The following PRDM15 variants were observed in gnomAD, a reference collection of about 807,000 sequenced individuals.
The protein encoded by PRDM15 is PR/SET domain 15.
In PRDM15, 64 loss-of-function variants were observed where a neutral mutation model predicts 128.6. That is an observed-to-expected ratio of 0.50 (90% CI 0.41 to 0.61). PRDM15 has a LOEUF of 0.61. PRDM15 is among the 20% of genes least tolerant of loss of function. The probability of loss-of-function intolerance (pLI) is 0.00; values close to 1 mark genes in which losing one functional copy is unlikely to be tolerated. For synonymous variants in PRDM15, 615 were observed against 621.8 expected (o/e 0.99, Z 0.16); for missense variants, 1,242 against 1,569.1 (o/e 0.79, Z 3.52).
chr21:41,854,566 C>T lies in PRDM15; in HGVS notation c.538G>A (p.Ala180Thr), dbSNP rs770085346. ...CTCCGGATCGGGGGCCGCCACATAC[C>T]GTGGACGCCAGAGCCGGCCTGCTTC... is the stretch of plus-strand genomic sequence containing the variant. ...MLKQAGSGVH[A>T]AGTPENSAPV... Residue 180 changes from alanine to threonine, a missense_variant and splice_region_variant, in exon 5 of 24, where the codon GCT (alanine) becomes ACT (threonine). Physicochemically the swap from Ala to Thr is moderately conservative, Grantham distance 58. Around this residue, in one of 3 missense-constraint regions of PRDM15, gnomAD observed 612 missense variants for 717.0 expected, o/e 0.85. Transcript: ENST00000398548. The surrounding 1 kb of genome is among the most constrained non-coding windows in gnomAD (Gnocchi z 4.6). The T allele has an allele frequency of 9.3e-6, 15 of 1,612,700 alleles. No homozygotes were observed. The highest frequency in any genetic ancestry group is 3.3e-5 in the Admixed American group (2 of 60,004).
intron 21 of PRDM15, among the ~76,000 whole-genome samples, chr21:41,805,927 C>T (rs1328807025): frequency 6.6e-6 from 1 of 150,594 alleles, no homozygotes; most frequent in Non-Finnish European, 1.5e-5. Flanking sequence ...ACTGTCACCA[C>T]CATCATCAGT....
rs1045979422 is a variant in PRDM15 at position 41,800,301 on chromosome 21, A to G, written c.*939T>C. ...CATTTGGATTGCAGAGAATCCTGAG[A>G]CAACCCGGAGGAGCCCCTGGGGGCA... On this transcript the variant is annotated 3_prime_UTR_variant, in exon 24 of 24. Coordinates refer to ENST00000398548, the MANE Select transcript of PRDM15 (RefSeq NM_001040424.3). 6 of 152,326 alleles carry G rather than the reference A, an allele frequency of 3.9e-5. No homozygotes were observed. Among genetic ancestry groups the G allele is most frequent in the African/African-American group, 1.4e-4 (6 of 41,446 alleles). 9.4% of individuals were successfully genotyped at this position (152,326 alleles called of 1,614,324 possible). A position where few individuals can be genotyped will look rare whatever the true frequency, so the allele number is the denominator to read the frequency against.
chr21:41,821,848 A>G lies in PRDM15; in HGVS notation c.1896+55T>C. On this transcript the variant is annotated intron_variant, in intron 15 of 23. Transcript: ENST00000398548. The surrounding 1 kb of genome is among the most constrained non-coding windows in gnomAD (Gnocchi z 5.4). ...TGCTGTGTGGGGCCCACAGCCTTGA[A>G]ACGACCACCTTCCTCTCCAGACCAC... The G allele has an allele frequency of 1.2e-6, 2 of 1,607,628 alleles. No individual in the cohort carries two copies. The highest frequency in any genetic ancestry group is 1.7e-6 in the Non-Finnish European group (2 of 1,178,094).
chr21:41,810,133 G>C lies in PRDM15; in HGVS notation c.2652+21C>G, dbSNP rs2061816307. On this transcript the variant is annotated intron_variant, in intron 21 of 23. Coordinates refer to ENST00000398548, the MANE Select transcript of PRDM15 (RefSeq NM_001040424.3). The surrounding 1 kb of genome is among the most constrained non-coding windows in gnomAD (Gnocchi z 6.4). Reference sequence around the variant, plus strand: ...CGCGGCCCGCTGGCGGGGCACGGAGGGGGCACAGCCACCAGCTCACCTCGG... The same window carrying C: ...CGCGGCCCGCTGGCGGGGCACGGAGCGGGCACAGCCACCAGCTCACCTCGG... 6 of 1,592,018 alleles carry C rather than the reference G, an allele frequency of 3.8e-6. No individual in the cohort carries two copies. The East Asian group carries it at 1.1e-4, about 30-fold the overall frequency.
Position 41,819,713 on chromosome 21 carries a change from G to A in PRDM15, c.2141-12C>T. ...GTGGCTCTTCACACCTGAGAACACA[G>A]GCATCTGCCACTCAGAGCCGAGCAG... On this transcript the variant is annotated splice_polypyrimidine_tract_variant and intron_variant, in intron 17 of 23. Coordinates refer to ENST00000398548, the MANE Select transcript of PRDM15 (RefSeq NM_001040424.3). 3 of 1,593,210 alleles carry A rather than the reference G, an allele frequency of 1.9e-6. No homozygotes were observed. The highest frequency in any genetic ancestry group is 2.6e-6 in the Non-Finnish European group (3 of 1,174,298).
At chr21:41,875,930 A>G (rs569867587) in intron 1 of PRDM15, among the ~76,000 whole-genome samples, 1 of 152,258 alleles carries the variant, frequency 6.6e-6, no homozygotes, top group South Asian at 2.1e-4. Context: ...GTACATACAC[A>G]ACCCTAGATG....
At position 41,879,171 on chromosome 21, in the gene PRDM15, G is replaced by A; in HGVS notation, c.-10+99C>T. ...GGGCGCGGGGGGCGGGGGGCAGCGG[G>A]CCCAGGGCGCGCCGGGGCTCGCGGG... On this transcript the variant is annotated intron_variant, in intron 1 of 23. Coordinates refer to ENST00000398548, the MANE Select transcript of PRDM15 (RefSeq NM_001040424.3). This position sits in a 1 kb window ranked among gnomAD's most constrained non-coding sequence, Gnocchi z 5.1. The A allele has an allele frequency of 1.2e-6, 1 of 838,040 alleles. No individual in the cohort carries two copies. The highest frequency in any genetic ancestry group is 1.4e-6 in the Non-Finnish European group (1 of 696,436). 51.9% of individuals were successfully genotyped at this position (838,040 alleles called of 1,614,324 possible).
intron 3 of PRDM15, among the ~76,000 whole-genome samples, chr21:41,857,640 A>G (rs950165227): frequency 6.6e-6 from 1 of 152,210 alleles, no homozygotes; most frequent in Non-Finnish European, 1.5e-5. Context: ...ATGTGCCTGT[A>G]GTCCCAGCTA....
rs771938387 is a variant in PRDM15, at chr21:41,878,675, G to A, written c.-10+595C>T. The A allele has an allele frequency of 5.9e-6, 9 of 1,518,078 alleles. No individual in the cohort carries two copies. In the East Asian group the frequency reaches 7.6e-5, roughly 13 times the overall value. The allele number at this position is 1,518,078 out of a possible 1,614,324, so 94.0% of individuals were successfully genotyped here. A position where few individuals can be genotyped will look rare whatever the true frequency, so the allele number is the denominator to read the frequency against. On this transcript the variant is annotated intron_variant, in intron 1 of 23. Transcript: ENST00000398548. Reference sequence around the variant, plus strand: ...AGGCTTACGAAAATAAGGCGCAGGGGGTCTGGGAGACCCCATCACCAGGAC... The same window carrying A: ...AGGCTTACGAAAATAAGGCGCAGGGAGTCTGGGAGACCCCATCACCAGGAC...
At chr21:41,864,374 G>C (rs2063926870) in intron 1 of PRDM15, among the ~76,000 whole-genome samples, 1 of 151,980 alleles carries the variant, frequency 6.6e-6, no homozygotes, top group South Asian at 2.1e-4. Context: ...TGGGCTCTAG[G>C]GCAAGCCACA....
intron 11 of PRDM15, 62 bp downstream of exon 11, chr21:41,835,375 C>T (rs1172682273): frequency 8.9e-6 from 12 of 1,355,398 alleles, no homozygotes; most frequent in East Asian, 2.3e-5. Context: ...CCACGGTCTC[C>T]GCGGCGTATC....
chr21:41,867,501 A>G (rs2145980567), intron 1 of PRDM15: 3 of 712,064 alleles, frequency 4.2e-6, no homozygotes, highest in Non-Finnish European at 7.0e-6. Context: ...GGTTTTTCAC[A>G]GGCGTGAACA....
At position 41,811,126 on chromosome 21, in the gene PRDM15, A is replaced by C; in HGVS notation, c.2393-290T>G. 1 of 400,704 alleles carries C rather than the reference A, an allele frequency of 2.5e-6. No homozygotes were observed. Among genetic ancestry groups the C allele is most frequent in the South Asian group, 3.0e-5 (1 of 32,798 alleles). The allele number at this position is 400,704 out of a possible 1,614,324, so 24.8% of individuals were successfully genotyped here. ...AACCCACATGTGGACAAGCAGAAAA[A>C]CGATAGGAATTTCTTTAAAGCATTA... On this transcript the variant is annotated intron_variant, in intron 19 of 23. Coordinates refer to ENST00000398548, the MANE Select transcript of PRDM15 (RefSeq NM_001040424.3). The surrounding 1 kb of genome is among the most constrained non-coding windows in gnomAD (Gnocchi z 4.1).
chr21:41,815,390 T>G (rs958020322), intron 19 of PRDM15, among the ~76,000 whole-genome samples: 1 of 152,230 alleles, frequency 6.6e-6, no homozygotes, highest in Non-Finnish European at 1.5e-5. Flanking sequence ...GGCCCTTGTC[T>G]GGTCGCTATT....
In PRDM15 at chr21:41,854,509, A is replaced by AACCACTTCGGCGAGGC; in HGVS notation, c.538+56_538+57insGCCTCGCCGAAGTGGT. ...GGTCAGCACAGAGCCAAGGGACCATAACCCCTTCGGCGAGGCACAAGGGAA... is the reference window on the plus strand; with the variant it reads ...GGTCAGCACAGAGCCAAGGGACCATAACCACTTCGGCGAGGCACCCCTTCGGCGAGGCACAAGGGAA... On this transcript the variant is annotated intron_variant, in intron 5 of 23. Coordinates refer to ENST00000398548, the MANE Select transcript of PRDM15 (RefSeq NM_001040424.3). The surrounding 1 kb of genome is among the most constrained non-coding windows in gnomAD (Gnocchi z 4.6). 6.3e-7 allele frequency: 1 copy of AACCACTTCGGCGAGGC among 1,597,646 alleles called. No homozygotes were observed. Among genetic ancestry groups the AACCACTTCGGCGAGGC allele is most frequent in the Non-Finnish European group, 8.5e-7 (1 of 1,176,140 alleles).
Position 41,801,208 on chromosome 21 carries a change from C to T in PRDM15, c.*32G>A. The T allele has an allele frequency of 6.6e-7, 1 of 1,504,536 alleles. No homozygotes were observed. The highest frequency in any genetic ancestry group is 8.8e-7 in the Non-Finnish European group (1 of 1,132,440). The allele number at this position is 1,504,536 out of a possible 1,614,324, so 93.2% of individuals were successfully genotyped here. The stretch of plus-strand genomic sequence containing the variant: ...TAAACAAATCCCAAACATCCCTCTG[C>T]AGTTCTTGCCCCGAGTCTCCCGGAA... On this transcript the variant is annotated 3_prime_UTR_variant, in exon 24 of 24. Transcript: ENST00000398548.
intron 21 of PRDM15, among the ~76,000 whole-genome samples, chr21:41,807,703 T>C (rs2061726454): frequency 6.6e-6 from 1 of 152,236 alleles, no homozygotes; most frequent in African/African-American, 2.4e-5. Flanking sequence ...GGTAGGCATT[T>C]GTTTGAGTTA....
At chr21:41,847,019 G>A (rs2146710611) in intron 6 of PRDM15, 71 bp downstream of exon 6, 3 of 1,016,320 alleles carry the variant, frequency 3.0e-6, no homozygotes, top group Non-Finnish European at 4.5e-6. Flanking sequence ...CCGCAGACAG[G>A]TGACAGCGTA....
chr21:41,815,323 C>T (rs2062012849), intron 19 of PRDM15, among the ~76,000 whole-genome samples: 1 of 152,232 alleles, frequency 6.6e-6, no homozygotes. Flanking sequence ...CCACGTCTGA[C>T]CTTCCAGCGC....
Sources: gnomAD v4.1 joint callset for allele counts (sites outside exome capture counted in the v4.1 genomes callset) on GRCh38, gnomAD v4.1.1 for gene constraint, gnomAD v4.1.1 regional missense constraint, Gnocchi (gnomAD v3.1) non-coding constraint, MANE v1.5 for transcripts, NCBI Gene and HGNC (gene_info 2026-07-23, HGNC 2026-07-21) for gene names.